ZFHX3: variants seen among roughly 807,000 people sequenced by gnomAD.
ZFHX3 encodes the protein zinc finger homeobox protein 3.
Under a neutral mutation model 279.1 loss-of-function variants are expected in ZFHX3, and 42 were observed. The observed-to-expected ratio is 0.15, with a 90% CI of 0.12 to 0.19. The LOEUF is 0.19. Ranked by LOEUF, ZFHX3 falls within the 10% of genes least tolerant of loss-of-function variation. ZFHX3 has a pLI of 1.00. For missense variants in ZFHX3, 4,981 were observed against 4,754.0 expected (o/e 1.05, Z -1.40); for synonymous variants, 2,293 against 1,957.8 (o/e 1.17, Z -4.52).
chr16:73,261,293 A>G (rs1409338503), intron 4 of ZFHX3, among the ~76,000 whole-genome samples: 3 of 152,206 alleles, frequency 2.0e-5, no homozygotes, highest in African/African-American at 7.2e-5. Flanking sequence ...AAGGAGAAAT[A>G]TATATACAGT....
At chr16:72,877,624 T>C (rs2038348835) in intron 4 of ZFHX3, among the ~76,000 whole-genome samples, 1 of 152,208 alleles carries the variant, frequency 6.6e-6, no homozygotes, top group African/African-American at 2.4e-5. Context: ...CAAAAGTCTT[T>C]CCTGTGTTTC....
At chr16:73,021,350 T>C (rs1964291060) in intron 1 of ZFHX3, among the ~76,000 whole-genome samples, 1 of 152,200 alleles carries the variant, frequency 6.6e-6, no homozygotes, top group African/African-American at 2.4e-5. Flanking sequence ...CTTGACTCTA[T>C]GTCCTGTCTT....
At chr16:72,844,829 G>A (rs2037437022) in intron 4 of ZFHX3, among the ~76,000 whole-genome samples, 1 of 152,150 alleles carries the variant, frequency 6.6e-6, no homozygotes, top group South Asian at 2.1e-4. Context: ...TGTGTCGAAT[G>A]AGAGGCAAGT....
At chr16:72,960,699 C>T (rs575036501) in intron 1 of ZFHX3, among the ~76,000 whole-genome samples, 11 of 152,118 alleles carry the variant, frequency 7.2e-5, no homozygotes, top group Non-Finnish European at 1.5e-4. Context: ...GGAAAAAGGA[C>T]GGTAAAGTGG....
chr16:73,852,481 G>C (rs116598680), intron 1 of ZFHX3, among the ~76,000 whole-genome samples: 164 of 152,240 alleles, frequency 1.1e-3, no homozygotes, highest in African/African-American at 3.7e-3. Context: ...GAATGGGTAG[G>C]TTATATTTTC....
At chr16:73,404,851 C>G (rs1029698348) in intron 3 of ZFHX3, among the ~76,000 whole-genome samples, 1 of 152,156 alleles carries the variant, frequency 6.6e-6, no homozygotes, top group Admixed American at 6.5e-5. Flanking sequence ...AAGGCCCATT[C>G]GAAGCACTTT....
At chr16:73,859,505 T>A (rs552572675) in intron 1 of ZFHX3, among the ~76,000 whole-genome samples, 1 of 152,202 alleles carries the variant, frequency 6.6e-6, no homozygotes, top group African/African-American at 2.4e-5. Context: ...AGTAAGTCAT[T>A]GCATTTCTCC....
At chr16:73,885,655 A>T (rs2030322422) in intron 1 of ZFHX3, among the ~76,000 whole-genome samples, 1 of 152,220 alleles carries the variant, frequency 6.6e-6, no homozygotes, top group East Asian at 1.9e-4. Context: ...GCTACTGAAT[A>T]ATAATAAAAG....
intron 1 of ZFHX3, among the ~76,000 whole-genome samples, chr16:72,979,868 T>C (rs957475553): frequency 1.3e-5 from 2 of 151,910 alleles, no homozygotes; most frequent in African/African-American, 4.8e-5. Context: ...TTTCTAAAAG[T>C]CAAGAGGATA....
intron 4 of ZFHX3, among the ~76,000 whole-genome samples, chr16:73,279,206 G>A (rs961933631): frequency 6.6e-6 from 1 of 152,072 alleles, no homozygotes; most frequent in Admixed American, 6.5e-5. Context: ...CCCATCAAAG[G>A]TATTGGTTTT....
intron 1 of ZFHX3, among the ~76,000 whole-genome samples, chr16:73,030,194 C>T (rs1340908873): frequency 6.6e-6 from 1 of 152,204 alleles, no homozygotes; most frequent in Non-Finnish European, 1.5e-5. Context: ...TGGAGCCCAC[C>T]CAAGGGCAAG....
intron 3 of ZFHX3, among the ~76,000 whole-genome samples, chr16:73,408,146 G>C (rs953358144): frequency 6.6e-5 from 10 of 150,810 alleles, no homozygotes; most frequent in Admixed American, 1.3e-4. Context: ...GATTTGGCCT[G>C]GGACCCAAAC....
At chr16:73,004,594 G>C (rs1963638060) in intron 1 of ZFHX3, among the ~76,000 whole-genome samples, 1 of 151,982 alleles carries the variant, frequency 6.6e-6, no homozygotes, top group South Asian at 2.1e-4. Flanking sequence ...TTACAAGTGT[G>C]GGCCACTGCA....
At chr16:72,954,294 C>T (rs929599020) in intron 2 of ZFHX3, among the ~76,000 whole-genome samples, 1 of 152,102 alleles carries the variant, frequency 6.6e-6, no homozygotes, top group East Asian at 1.9e-4. Context: ...TGCTTGAACC[C>T]GGGAGGCAGG....
intron 5 of ZFHX3, among the ~76,000 whole-genome samples, chr16:73,241,934 T>C (rs2013137242): frequency 6.6e-6 from 1 of 152,146 alleles, no homozygotes; most frequent in Non-Finnish European, 1.5e-5. Context: ...AGTGACCCCT[T>C]TGAGAACTGC....
intron 3 of ZFHX3, among the ~76,000 whole-genome samples, chr16:72,920,452 G>A (rs530311129): frequency 1.2e-3 from 175 of 152,116 alleles, no homozygotes; most frequent in African/African-American, 3.7e-3. Flanking sequence ...AGGCCAAGGC[G>A]GTGGATCACC....
At chr16:73,850,514 G>A (rs941252403) in intron 1 of ZFHX3, among the ~76,000 whole-genome samples, 6 of 152,106 alleles carry the variant, frequency 3.9e-5, no homozygotes, top group African/African-American at 9.7e-5. Context: ...GAGAACTCTC[G>A]GGGAAAAGGG....
chr16:73,270,846 C>G (rs2014124049), intron 4 of ZFHX3, among the ~76,000 whole-genome samples: 1 of 152,122 alleles, frequency 6.6e-6, no homozygotes, highest in South Asian at 2.1e-4. Flanking sequence ...CCTCGGAGTT[C>G]TAGAGTGTTC....
intron 1 of ZFHX3, among the ~76,000 whole-genome samples, chr16:73,853,073 C>A (rs1405102401): frequency 1.3e-5 from 2 of 152,112 alleles, no homozygotes; most frequent in Admixed American, 1.3e-4. Context: ...ACACATGAAA[C>A]AACATTCAAT....
Sources: gnomAD v4.1 joint callset for allele counts (sites outside exome capture counted in the v4.1 genomes callset) on GRCh38, gnomAD v4.1.1 for gene constraint, MANE v1.5 for transcripts, NCBI Gene and HGNC (gene_info 2026-07-23, HGNC 2026-07-21) for gene names.